STARD9: variants seen among roughly 807,000 people sequenced by gnomAD.
STARD9 encodes stAR-related lipid transfer protein 9.
STARD9 carries 346 observed loss-of-function variants against 399.8 expected under a neutral mutation model. The ratio of observed to expected loss-of-function variants is 0.87; its 90% confidence interval spans 0.79 to 0.95. STARD9 has a LOEUF of 0.95. Among genes scored for constraint, STARD9 ranks in the 40% least tolerant of loss-of-function variants. The pLI is 0.00. For missense variants in STARD9, 5,832 were observed against 5,667.5 expected (o/e 1.03, Z -0.93); for synonymous variants, 2,203 against 2,143.5 (o/e 1.03, Z -0.77).
intron 7 of STARD9, among the ~76,000 whole-genome samples, chr15:42,646,653 C>G (rs545805462): frequency 6.6e-6 from 1 of 152,324 alleles, no homozygotes; most frequent in South Asian, 2.1e-4. Context: ...TAAAAACTTT[C>G]TTCATATCAG....
At chr15:42,657,284 C>T (rs2059896970) in intron 9 of STARD9, among the ~76,000 whole-genome samples, 1 of 150,050 alleles carries the variant, frequency 6.7e-6, no homozygotes, top group African/African-American at 2.5e-5. Flanking sequence ...CACTTGAATC[C>T]AGGAGGCAGA....
chr15:42,678,153 G>A (rs2060350676), intron 20 of STARD9, among the ~76,000 whole-genome samples: 2 of 152,328 alleles, frequency 1.3e-5, no homozygotes, highest in Admixed American at 1.3e-4. Flanking sequence ...AGGTGGTGTG[G>A]TGTGGTGCTC....
At chr15:42,629,595 A>G (rs1253917684) in intron 3 of STARD9, among the ~76,000 whole-genome samples, 1 of 152,134 alleles carries the variant, frequency 6.6e-6, no homozygotes, top group African/African-American at 2.4e-5. Context: ...TTCCAATTTG[A>G]ATGCTTTTTC....
chr15:42,646,034 G>C (rs946073542), intron 7 of STARD9, among the ~76,000 whole-genome samples: 1 of 151,984 alleles, frequency 6.6e-6, no homozygotes, highest in South Asian at 2.1e-4. Context: ...GGTGGCTGGT[G>C]CCTGTAATTC....
intron 20 of STARD9, among the ~76,000 whole-genome samples, chr15:42,679,741 C>T (rs994163684): frequency 1.3e-5 from 2 of 152,136 alleles, no homozygotes; most frequent in African/African-American, 4.8e-5. Flanking sequence ...GCAAAAGCAG[C>T]CCTAGACAGT....
chr15:42,680,715 C>G (rs540009391), intron 20 of STARD9, among the ~76,000 whole-genome samples: 3 of 152,306 alleles, frequency 2.0e-5, no homozygotes, highest in African/African-American at 7.2e-5. Flanking sequence ...CACTCACTCT[C>G]CCTCATTCCC....
rs1327064107 is a variant in STARD9 at position 42,690,733 on chromosome 15, C to G, written c.9155C>G (p.Ser3052Cys). Residue 3052 changes from serine to cysteine, a missense_variant, in exon 23 of 33, where the codon TCT becomes TGT. Ser to Cys is a moderately radical substitution (Grantham distance 112, BLOSUM62 -1). Around this residue, in one of 2 missense-constraint regions of STARD9, gnomAD observed 5,828 missense variants for 5,651.1 expected, o/e 1.03. Transcript: ENST00000290607. Reference sequence around the variant, plus strand: ...CCTTCTACTGTGGCTGCTGTCCTATCTCGAGCTCAAGGCTGCAGATCCCCT... The same window carrying G: ...CCTTCTACTGTGGCTGCTGTCCTATGTCGAGCTCAAGGCTGCAGATCCCCT... ...CEPSTVAAVL[S>C]RAQGCRSPSA... The G allele has an allele frequency of 1.4e-5, 21 of 1,537,136 alleles. No individual in the cohort carries two copies. The highest frequency in any genetic ancestry group is 1.7e-5 in the Non-Finnish European group (20 of 1,146,914).
At chr15:42,679,930 G>T (rs575337117) in intron 20 of STARD9, among the ~76,000 whole-genome samples, 2 of 152,162 alleles carry the variant, frequency 1.3e-5, no homozygotes, top group African/African-American at 4.8e-5. Flanking sequence ...CAGCGTATGG[G>T]TCATACTGCC....
chr15:42,618,719 C>T lies in STARD9; in HGVS notation c.235-16137C>T, dbSNP rs2059022848. On this transcript the variant is annotated intron_variant, in intron 3 of 32. Transcript: ENST00000290607. ...TCAAGCGATTCTCCTGCCGCAGCCTCCCGAGTAGCTGGGACTACAGGAGTG... is the reference window on the plus strand; with the variant it reads ...TCAAGCGATTCTCCTGCCGCAGCCTTCCGAGTAGCTGGGACTACAGGAGTG... Among the ~76,000 whole-genome samples the T allele has an allele frequency of 7.2e-5, 11 of 152,166 alleles. No homozygotes were observed. In the South Asian group the frequency reaches 2.3e-3, roughly 32 times the overall value.
rs1205584150 is a variant in STARD9, at chr15:42,689,243, C to G, written c.7665C>G (p.Ile2555Met). The G allele has an allele frequency of 6.5e-7, 1 of 1,537,260 alleles. No individual in the cohort carries two copies. The highest frequency in any genetic ancestry group is 1.2e-5 in the South Asian group (1 of 84,066). Residue 2555 changes from isoleucine to methionine, a missense_variant, in exon 23 of 33, where the codon ATC becomes ATG. Physicochemically the swap from Ile to Met is conservative, Grantham distance 10. Transcript: ENST00000290607. The part of the protein sequence containing the change: ...ASMCLAILEE[I>M]RQAKAQRKQL... ...TGTGCCTGGCCATCTTGGAGGAGATCAGACAGGCAAAGGCCCAGAGAAAGC... is the reference window on the plus strand; with the variant it reads ...TGTGCCTGGCCATCTTGGAGGAGATGAGACAGGCAAAGGCCCAGAGAAAGC...
intron 26 of STARD9, among the ~76,000 whole-genome samples, chr15:42,696,473 G>C (rs2060849294): frequency 6.6e-6 from 1 of 152,170 alleles, no homozygotes; most frequent in Non-Finnish European, 1.5e-5. Context: ...GAAGGGACTA[G>C]AAAATCATGT....
intron 26 of STARD9, among the ~76,000 whole-genome samples, chr15:42,711,518 G>C (rs1036051619): frequency 6.6e-6 from 1 of 152,098 alleles, no homozygotes; most frequent in Non-Finnish European, 1.5e-5. Context: ...ATATTAACTT[G>C]GTTACATCTG....
intron 3 of STARD9, among the ~76,000 whole-genome samples, chr15:42,592,206 G>A (rs2058410764): frequency 6.6e-6 from 1 of 152,184 alleles, no homozygotes; most frequent in Non-Finnish European, 1.5e-5. Context: ...AAGTTACACA[G>A]TAAGATGTGA....
At position 42,651,028 on chromosome 15, in the gene STARD9, A is replaced by T; in HGVS notation, c.572A>T (p.His191Leu). The change falls in exon 8 of 33, where the codon CAT (histidine) becomes CTT (leucine). Residue 191 changes from histidine to leucine, a missense_variant. Transcript: ENST00000290607. ...ACAAATCCGATAGGTTTATCTCAAC[A>T]TGTAGTTACCAATTATAAGCAAGTA... ...MGPYVQGLSQHVVTNYKQVIQ... is the reference protein window; with the variant it reads ...MGPYVQGLSQLVVTNYKQVIQ... 2.6e-6 allele frequency: 4 copies of T among 1,532,634 alleles called. No homozygotes were observed. The highest frequency in any genetic ancestry group is 3.5e-6 in the Non-Finnish European group (4 of 1,143,616). The allele number at this position is 1,532,634 out of a possible 1,614,324, so 94.9% of individuals were successfully genotyped here. A position where few individuals can be genotyped will look rare whatever the true frequency, so the allele number is the denominator to read the frequency against.
At chr15:42,715,428 C>T (rs2061331836) in intron 26 of STARD9, among the ~76,000 whole-genome samples, 1 of 152,078 alleles carries the variant, frequency 6.6e-6, no homozygotes, top group South Asian at 2.1e-4. Flanking sequence ...GCCTGTAATC[C>T]CAAAACTTTG....
chr15:42,684,755 C>T lies in STARD9; in HGVS notation c.3177C>T (p.Ser1059=), dbSNP rs1036997419. 7.2e-6 allele frequency: 11 copies of T among 1,537,088 alleles called. No homozygotes were observed. In the African/African-American group the frequency reaches 1.5e-4, roughly 21 times the overall value. Residue 1059 remains serine, a synonymous_variant, in exon 23 of 33, where the codon TCC becomes TCT. Transcript: ENST00000290607. The part of the protein sequence containing the change: ...ATRVRNITKK[S]SHLPLGSPLK... ...GGGTCAGAAATATTACCAAAAAGTC[C>T]TCTCACTTGCCTCTTGGCAGTCCTT...
At chr15:42,600,912 G>C (rs1042277056) in intron 3 of STARD9, among the ~76,000 whole-genome samples, 7 of 150,214 alleles carry the variant, frequency 4.7e-5, no homozygotes, top group African/African-American at 1.7e-4. Flanking sequence ...GTGTTTCTCG[G>C]AGAGGGGGAT....
Position 42,688,418 on chromosome 15 carries a change from G to A in STARD9, c.6840G>A (p.Met2280Ile), listed in dbSNP as rs1321160118. 23 of 1,537,684 alleles carry A rather than the reference G, an allele frequency of 1.5e-5. No individual in the cohort carries two copies. The highest frequency in any genetic ancestry group is 1.9e-5 in the Non-Finnish European group (22 of 1,147,030). ...AAGGTAAAGTTGAAGAAATGCCTAT[G>A]CAAAGGGGAGGCAGCCTTCAGGAAG... ...KAQGKVEEMP[M>I]QRGGSLQEEN... The change falls in exon 23 of 33, where the codon ATG (methionine) becomes ATA (isoleucine). Residue 2280 changes from methionine (M) to isoleucine (I), a missense_variant. Met to Ile is a conservative substitution (Grantham distance 10, BLOSUM62 1). This residue lies in a region of STARD9 where 5,828 missense variants were observed against 5,651.1 expected (regional missense o/e 1.03). Transcript: ENST00000290607.
chr15:42,614,475 G>C (rs939167763), intron 3 of STARD9, among the ~76,000 whole-genome samples: 1 of 152,148 alleles, frequency 6.6e-6, no homozygotes, highest in Middle Eastern at 3.2e-3. Flanking sequence ...ATACCAGTTT[G>C]TTTCCTTTAA....
Sources: allele counts gnomAD v4.1 joint callset (sites outside exome capture counted in the v4.1 genomes callset), GRCh38; gene constraint gnomAD v4.1.1; regional missense constraint gnomAD v4.1.1; transcripts MANE v1.5; gene names NCBI Gene and HGNC (gene_info 2026-07-23, HGNC 2026-07-21).